The following HSPB1 variants were observed in gnomAD, a reference collection of about 807,000 sequenced individuals.
HSPB1 encodes heat shock protein family B (small) member 1, also known as heat shock protein beta-1.
Under a neutral mutation model 17.0 loss-of-function variants are expected in HSPB1, and 19 were observed. The ratio of observed to expected loss-of-function variants is 1.12; its 90% confidence interval spans 0.78 to 1.64. The LOEUF (loss-of-function observed/expected upper bound fraction) is 1.64. Ranked by LOEUF, HSPB1 falls within the 40% of genes most tolerant of loss-of-function variation. The pLI, the probability that HSPB1 is intolerant of heterozygous loss-of-function variation, is 0.00. For synonymous variants in HSPB1, 165 were observed against 129.8 expected, an observed-to-expected ratio of 1.27 and a Z score of -1.84; for missense variants, 348 against 289.2, an observed-to-expected ratio of 1.20 and a Z score of -1.47.
At position 76,302,790 on chromosome 7, in the gene HSPB1, C is replaced by T. The variant is rs1221701269; in HGVS notation, c.78C>T (p.Ser26=). Residue 26 remains serine, a synonymous_variant, in exon 1 of 3, where the codon AGC becomes AGT. Coordinates refer to ENST00000248553, the MANE Select transcript of HSPB1 (RefSeq NM_001540.5). ...CCTTCCGCGACTGGTACCCGCATAGCCGCCTCTTCGACCAGGCCTTCGGGC... is the reference window on the plus strand; with the variant it reads ...CCTTCCGCGACTGGTACCCGCATAGTCGCCTCTTCGACCAGGCCTTCGGGC... ...WDPFRDWYPH[S]RLFDQAFGLP... 2 of 1,608,628 alleles carry T rather than the reference C, an allele frequency of 1.2e-6. No individual in the cohort carries two copies. Among genetic ancestry groups the T allele is most frequent in the Admixed American group, 3.3e-5 (2 of 59,878 alleles).
In HSPB1 at chr7:76,303,982, A is replaced by G. The variant is rs201929521; in HGVS notation, c.429-2A>G. 2 of 1,613,638 alleles carry G rather than the reference A, an allele frequency of 1.2e-6. No homozygotes were observed. The highest frequency in any genetic ancestry group is 1.3e-5 in the African/African-American group (1 of 75,026). Reference sequence around the variant, plus strand: ...GCTTGCCTTTCCTCTCTGCACGTCCAGGCTGCCCCCCGGTGTGGACCCCAC... The same window carrying G: ...GCTTGCCTTTCCTCTCTGCACGTCCGGGCTGCCCCCCGGTGTGGACCCCAC... On this transcript the variant is annotated splice_acceptor_variant, in intron 2 of 2. Coordinates refer to ENST00000248553, the MANE Select transcript of HSPB1 (RefSeq NM_001540.5). LOFTEE classifies it high-confidence loss of function.
Position 76,302,742 on chromosome 7 carries a change from C to A in HSPB1, c.30C>A (p.Leu10=). The A allele has an allele frequency of 6.2e-7, 1 of 1,605,664 alleles. No homozygotes were observed. Among genetic ancestry groups the A allele is most frequent in the Middle Eastern group, 1.8e-4 (1 of 5,422 alleles). ...CCGAGCGCCGCGTCCCCTTCTCGCT[C>A]CTGCGGGGCCCCAGCTGGGACCCCT... is the stretch of plus-strand genomic sequence containing the variant. MTERRVPFS[L]LRGPSWDPFR... The change falls in exon 1 of 3, where the codon CTC becomes CTA. Residue 10 remains leucine (L), a synonymous_variant. Transcript: ENST00000248553.
Position 76,303,994 on chromosome 7 carries a change from G to T in HSPB1, c.439G>T (p.Gly147Cys). The T allele has an allele frequency of 6.2e-7, 1 of 1,613,718 alleles. No individual in the cohort carries two copies. The highest frequency in any genetic ancestry group is 1.1e-5 in the South Asian group (1 of 91,068). ...TCTCTGCACGTCCAGGCTGCCCCCC[G>T]GTGTGGACCCCACCCAAGTTTCCTC... ...CFTRKYTLPP[G>C]VDPTQVSSSL... The change falls in exon 3 of 3, where the codon GGT becomes TGT. Residue 147 changes from glycine (G) to cysteine (C), a missense_variant. Physicochemically the swap from Gly to Cys is radical, Grantham distance 159. Coordinates refer to ENST00000248553, the MANE Select transcript of HSPB1 (RefSeq NM_001540.5).
chr7:76,303,299 G>A (rs1284593372), intron 1 of HSPB1: 1 of 575,212 alleles, frequency 1.7e-6, no homozygotes, highest in Non-Finnish European at 3.0e-6. Flanking sequence ...AGGCCGAGAC[G>A]GGAGGATCGC....
chr7:76,302,706 A>G lies in HSPB1; in HGVS notation c.-7A>G, dbSNP rs370638957. The G allele has an allele frequency of 6.9e-6, 11 of 1,600,358 alleles. No individual in the cohort carries two copies. The African/African-American group carries it at 1.3e-4, about 19-fold the overall frequency. ...CTGAGCAGACGTCCAGAGCAGAGTC[A>G]GCCAGCATGACCGAGCGCCGCGTCC... On this transcript the variant is annotated 5_prime_UTR_variant, in exon 1 of 3. Coordinates refer to ENST00000248553, the MANE Select transcript of HSPB1 (RefSeq NM_001540.5).
Position 76,303,330 on chromosome 7 carries a change from C to G in HSPB1, c.364+254C>G, listed in dbSNP as rs1803039120. 4 of 538,384 alleles carry G rather than the reference C, an allele frequency of 7.4e-6. No individual in the cohort carries two copies. The South Asian group carries it at 7.9e-5, about 11-fold the overall frequency. The allele number at this position is 538,384 out of a possible 1,614,324, so 33.4% of individuals were successfully genotyped here. ...ATCGCTTGAGGCCAGGAGTTCAAGACTAGCCTGGGCAACATAGCGAGACGC... is the reference window on the plus strand; with the variant it reads ...ATCGCTTGAGGCCAGGAGTTCAAGAGTAGCCTGGGCAACATAGCGAGACGC... On this transcript the variant is annotated intron_variant, in intron 1 of 2. Transcript: ENST00000248553.
chr7:76,303,582 C>T (rs1803049153), intron 1 of HSPB1: 2 of 608,772 alleles, frequency 3.3e-6, no homozygotes. Context: ...TCCCCAGCTC[C>T]GCGCCCTGCT....
chr7:76,303,488 G>A, intron 1 of HSPB1: 1 of 533,710 alleles, frequency 1.9e-6, no homozygotes, highest in East Asian at 3.2e-5. Flanking sequence ...CCCCAGATAA[G>A]CGGGGAGTTC....
chr7:76,303,595 G>C (rs918047782), intron 1 of HSPB1: 27 of 620,126 alleles, frequency 4.4e-5, no homozygotes, highest in Non-Finnish European at 7.0e-5. Flanking sequence ...GCCCTGCTCC[G>C]TTCCTCCCAA....
chr7:76,303,584 C>T (rs1018035784), intron 1 of HSPB1: 2 of 610,086 alleles, frequency 3.3e-6, no homozygotes, highest in Non-Finnish European at 5.9e-6. Flanking sequence ...CCCAGCTCCG[C>T]GCCCTGCTCC....
Position 76,303,051 on chromosome 7 carries a change from C to T in HSPB1, c.339C>T (p.Thr113=), listed in dbSNP as rs751064405. The change falls in exon 1 of 3, where the codon ACC becomes ACT. Residue 113 remains threonine, a synonymous_variant. Coordinates refer to ENST00000248553, the MANE Select transcript of HSPB1 (RefSeq NM_001540.5). Reference sequence around the variant, plus strand: ...CCCCGGACGAGCTGACGGTCAAGACCAAGGATGGCGTGGTGGAGATCACCG... The same window carrying T: ...CCCCGGACGAGCTGACGGTCAAGACTAAGGATGGCGTGGTGGAGATCACCG... ...HFAPDELTVK[T]KDGVVEITGK... 1 of 1,538,424 alleles carries T rather than the reference C, an allele frequency of 6.5e-7. No individual in the cohort carries two copies. The highest frequency in any genetic ancestry group is 8.7e-7 in the Non-Finnish European group (1 of 1,145,572).
intron 1 of HSPB1, chr7:76,303,556 C>T (rs1484091073): frequency 8.5e-6 from 5 of 591,346 alleles, no homozygotes; most frequent in Non-Finnish European, 1.5e-5. Flanking sequence ...TCCAAGTGCG[C>T]CTGCGTACTG....
rs950248928 is a variant in HSPB1, at chr7:76,303,034, G to T, written c.322G>T (p.Glu108Ter). 6.5e-6 allele frequency: 10 copies of T among 1,542,092 alleles called. No homozygotes were observed. Among genetic ancestry groups the T allele is most frequent in the African/African-American group, 4.1e-5 (3 of 73,682 alleles). Residue 108 changes from glutamate (E) to a stop codon, truncating the protein, a stop_gained, in exon 1 of 3, where the codon GAG becomes TAG. Coordinates refer to ENST00000248553, the MANE Select transcript of HSPB1 (RefSeq NM_001540.5). LOFTEE classifies it high-confidence loss of function. Reference protein sequence around the residue: ...SLDVNHFAPDELTVKTKDGVV... With the variant: ...SLDVNHFAPD ...GGATGTCAACCACTTCGCCCCGGAC[G>T]AGCTGACGGTCAAGACCAAGGATGG...
intron 1 of HSPB1, 64 bp downstream of exon 1, chr7:76,303,140 T>G: frequency 6.7e-7 from 1 of 1,487,534 alleles, no homozygotes; most frequent in Non-Finnish European, 8.9e-7. Context: ...GCCGGGGGCG[T>G]GCGGTTGAAA....
Position 76,302,962 on chromosome 7 carries a change from G to C in HSPB1, c.250G>C (p.Gly84Arg), listed in dbSNP as rs770272088. ...CGCGCTCAGCCGGCAACTCAGCAGC[G>C]GGGTCTCGGAGATCCGGCACACTGC... ...SRALSRQLSS[G>R]VSEIRHTADR... Residue 84 changes from glycine to arginine, a missense_variant, in exon 1 of 3, where the codon GGG becomes CGG. Coordinates refer to ENST00000248553, the MANE Select transcript of HSPB1 (RefSeq NM_001540.5). 33 of 1,544,310 alleles carry C rather than the reference G, an allele frequency of 2.1e-5. No homozygotes were observed. Among genetic ancestry groups the C allele is most frequent in the Non-Finnish European group, 2.7e-5 (31 of 1,150,436 alleles).
Position 76,302,873 on chromosome 7 carries a change from A to G in HSPB1, c.161A>G (p.Tyr54Cys). The G allele has an allele frequency of 1.3e-6, 2 of 1,576,824 alleles. No homozygotes were observed. The highest frequency in any genetic ancestry group is 1.7e-6 in the Non-Finnish European group (2 of 1,166,644). ...QWLGGSSWPG[Y>C]VRPLPPAAIE... Reference sequence around the variant, plus strand: ...TTAGGCGGCAGCAGCTGGCCAGGCTACGTGCGCCCCCTGCCCCCCGCCGCC... The same window carrying G: ...TTAGGCGGCAGCAGCTGGCCAGGCTGCGTGCGCCCCCTGCCCCCCGCCGCC... Residue 54 changes from tyrosine to cysteine, a missense_variant, in exon 1 of 3, where the codon TAC (tyrosine) becomes TGC (cysteine). By Grantham distance (194) the Tyr-to-Cys change is radical. Coordinates refer to ENST00000248553, the MANE Select transcript of HSPB1 (RefSeq NM_001540.5).
chr7:76,302,947 C>G lies in HSPB1; in HGVS notation c.235C>G (p.Arg79Gly), dbSNP rs556995718. 1.1e-5 allele frequency: 17 copies of G among 1,545,092 alleles called. No homozygotes were observed. In the South Asian group the frequency reaches 1.8e-4, roughly 16 times the overall value. Residue 79 changes from arginine (R) to glycine (G), a missense_variant, in exon 1 of 3, where the codon CGG (arginine) becomes GGG (glycine). Coordinates refer to ENST00000248553, the MANE Select transcript of HSPB1 (RefSeq NM_001540.5). The stretch of plus-strand genomic sequence containing the variant: ...GCCCGCCTACAGCCGCGCGCTCAGC[C>G]GGCAACTCAGCAGCGGGGTCTCGGA... ...AAPAYSRALSRQLSSGVSEIR... is the reference protein window; with the variant it reads ...AAPAYSRALSGQLSSGVSEIR...
In HSPB1 at chr7:76,302,820, C is replaced by G. The variant is rs765197724; in HGVS notation, c.108C>G (p.Pro36=). The G allele has an allele frequency of 1.6e-5, 25 of 1,606,780 alleles. No homozygotes were observed. In the East Asian group the frequency reaches 5.6e-4, roughly 36 times the overall value. The change falls in exon 1 of 3, where the codon CCC becomes CCG. Residue 36 remains proline, a synonymous_variant. Transcript: ENST00000248553. ...TCTTCGACCAGGCCTTCGGGCTGCC[C>G]CGGCTGCCGGAGGAGTGGTCGCAGT... The part of the protein sequence containing the change: ...SRLFDQAFGL[P]RLPEEWSQWL...
At chr7:76,303,194 C>T (rs1351849101) in intron 1 of HSPB1, 118 bp downstream of exon 1, 1 of 1,261,360 alleles carries the variant, frequency 7.9e-7, no homozygotes, top group Admixed American at 2.5e-5. Context: ...GGCCCAGCAC[C>T]GGGAAAAACA....
Sources: gnomAD v4.1 joint callset for allele counts on GRCh38, gnomAD v4.1.1 for gene constraint, MANE v1.5 for transcripts, NCBI Gene and HGNC (gene_info 2026-07-23, HGNC 2026-07-21) for gene names.